SULT4A1: variants seen among roughly 807,000 people sequenced by gnomAD.
SULT4A1 encodes the protein sulfotransferase family 4A member 1.
SULT4A1 carries 11 observed loss-of-function variants against 35.2 expected under a neutral mutation model. The ratio of observed to expected loss-of-function variants is 0.31; its 90% CI spans 0.20 to 0.52. SULT4A1 has a LOEUF of 0.52. Among genes scored for constraint, SULT4A1 ranks in the 20% least tolerant of loss-of-function variants. The pLI is 0.97. For synonymous variants in SULT4A1, 152 were observed against 151.8 expected (o/e 1.00, Z -0.01); for missense variants, 271 against 383.7 (o/e 0.71, Z 2.45).
chr22:43,844,117 CCT>C (rs2063456218), intron 1 of SULT4A1, among the ~76,000 whole-genome samples: 1 of 152,214 alleles, frequency 6.6e-6, no homozygotes, highest in Admixed American at 6.5e-5. Context: ...CCACAGGAGG[CCT>C]CTGTGTTGAC....
At chr22:43,839,761 T>C (rs1291882940) in intron 3 of SULT4A1, among the ~76,000 whole-genome samples, 184 bp downstream of exon 3, 2 of 152,126 alleles carry the variant, frequency 1.3e-5, no homozygotes, top group Admixed American at 6.5e-5. Flanking sequence ...GTTAAAAACT[T>C]GGGTAAAATG....
intron 1 of SULT4A1, among the ~76,000 whole-genome samples, chr22:43,849,129 G>T (rs2013467): frequency 0.23 from 35,056 of 152,162 alleles, 4,703 homozygotes; most frequent in East Asian, 0.46. Flanking sequence ...GGCATGGCCT[G>T]TCTCAACACC....
At chr22:43,827,161 A>C in intron 6 of SULT4A1, 4 of 985,392 alleles carry the variant, frequency 4.1e-6, no homozygotes, top group Non-Finnish European at 4.8e-6. Flanking sequence ...CTTTTGAAGA[A>C]CTGCTCGTTT....
rs1397974614 is a variant in SULT4A1, at chr22:43,824,880, G to A, written c.*1121C>T. On this transcript the variant is annotated 3_prime_UTR_variant, in exon 7 of 7. Transcript: ENST00000330884. Reference sequence around the variant, plus strand: ...CGGGGTTGGCTGGCTACTGGCCCCCGACTCTCCATCGCTTCAGCGAATGTG... The same window carrying A: ...CGGGGTTGGCTGGCTACTGGCCCCCAACTCTCCATCGCTTCAGCGAATGTG... The A allele has an allele frequency of 3.3e-5, 5 of 152,108 alleles. No individual in the cohort carries two copies. The highest frequency in any genetic ancestry group is 4.1e-4 in the South Asian group (2 of 4,820). The allele number at this position is 152,108 out of a possible 1,614,324, so 9.4% of individuals were successfully genotyped here. A position where few individuals can be genotyped will look rare whatever the true frequency, so the allele number is the denominator to read the frequency against.
At chr22:43,846,577 AG>A (rs1244376741) in intron 1 of SULT4A1, among the ~76,000 whole-genome samples, 2 of 152,242 alleles carry the variant, frequency 1.3e-5, no homozygotes, top group Non-Finnish European at 2.9e-5. Context: ...CACTGAAGGA[AG>A]GAAGTGGTCT....
chr22:43,827,782 C>CAT (rs57934792), intron 6 of SULT4A1: 12 of 436,932 alleles, frequency 2.7e-5, no homozygotes, highest in African/African-American at 2.1e-4. Context: ...CACACACACA[C>CAT]GTGAACCAAA....
At chr22:43,841,196 A>G (rs1049305048) in intron 2 of SULT4A1, among the ~76,000 whole-genome samples, 2 of 152,172 alleles carry the variant, frequency 1.3e-5, no homozygotes, top group African/African-American at 4.8e-5. Flanking sequence ...CTGGAGGGCC[A>G]CAGGGGTCTT....
intron 1 of SULT4A1, among the ~76,000 whole-genome samples, chr22:43,845,000 G>A (rs574780233): frequency 2.6e-5 from 4 of 152,200 alleles, no homozygotes; most frequent in East Asian, 3.9e-4. Context: ...GAAGTGTGCC[G>A]GGACCAAAGG....
intron 6 of SULT4A1, among the ~76,000 whole-genome samples, chr22:43,827,853 A>AAT (rs1007763613): frequency 6.6e-6 from 1 of 152,168 alleles, no homozygotes; most frequent in Non-Finnish European, 1.5e-5. Flanking sequence ...GCAAAACTAA[A>AAT]AAAGAGCAAA....
At chr22:43,862,144 C>A in intron 1 of SULT4A1, 70 bp downstream of exon 1, 1 of 1,197,574 alleles carries the variant, frequency 8.4e-7, no homozygotes, top group South Asian at 2.6e-5. Flanking sequence ...CGGGCGCGGG[C>A]GCGGCGTCTA....
chr22:43,844,801 T>G (rs1259327368), intron 1 of SULT4A1, among the ~76,000 whole-genome samples: 1 of 152,162 alleles, frequency 6.6e-6, no homozygotes, highest in Non-Finnish European at 1.5e-5. Context: ...CACCCTGGGA[T>G]GCACGGGACA....
intron 1 of SULT4A1, among the ~76,000 whole-genome samples, chr22:43,859,719 C>T (rs537358055): frequency 2.6e-5 from 4 of 152,368 alleles, no homozygotes; most frequent in African/African-American, 4.8e-5. Context: ...TTTTACCTGG[C>T]GCTGTGCAGC....
chr22:43,829,416 C>G (rs1214620492), intron 5 of SULT4A1, among the ~76,000 whole-genome samples: 1 of 152,150 alleles, frequency 6.6e-6, no homozygotes, highest in Non-Finnish European at 1.5e-5. Context: ...AATTCAAACC[C>G]TGGTCCTCCA....
intron 1 of SULT4A1, among the ~76,000 whole-genome samples, chr22:43,848,501 CTCCACTAGCCTCGAGCAGGAGGG>C (rs1421591798): frequency 6.6e-6 from 1 of 152,222 alleles, no homozygotes; most frequent in African/African-American, 2.4e-5. Context: ...CTGTGGTTCC[CTCCACTAGCCTCGAGCAGGAGGG>C]TCCACAAGCA....
rs139024087 is a variant in SULT4A1, at chr22:43,840,382, G to A, written c.301-357C>T. On this transcript the variant is annotated intron_variant, in intron 2 of 6. Coordinates refer to ENST00000330884, the MANE Select transcript of SULT4A1 (RefSeq NM_014351.4). ...ATGCCCTGGTCTCCTGTCCTGGAGA[G>A]AGTCTCGGACCCAGCCAGGACAGCC... Among the ~76,000 whole-genome samples, 579 of 152,206 alleles carry A rather than the reference G, an allele frequency of 3.8e-3. 9 individuals are homozygous for A. The highest frequency in any genetic ancestry group is 0.013 in the African/African-American group (539 of 41,536).
intron 1 of SULT4A1, among the ~76,000 whole-genome samples, chr22:43,859,497 C>G (rs1216075825): frequency 6.6e-6 from 1 of 152,242 alleles, no homozygotes; most frequent in African/African-American, 2.4e-5. Context: ...GGGACGAGCA[C>G]CCAATTCAAA....
intron 1 of SULT4A1, among the ~76,000 whole-genome samples, chr22:43,858,420 C>T (rs952512269): frequency 6.6e-6 from 1 of 152,100 alleles, no homozygotes; most frequent in African/African-American, 2.4e-5. Context: ...GCTTTGGCAG[C>T]CCCTTCCCCA....
chr22:43,835,537 G>C (rs1273782840), intron 4 of SULT4A1, among the ~76,000 whole-genome samples: 1 of 152,172 alleles, frequency 6.6e-6, no homozygotes, highest in Non-Finnish European at 1.5e-5. Flanking sequence ...GCAGAATAAA[G>C]CTGAGTCCCA....
chr22:43,862,194 G>T lies in SULT4A1; in HGVS notation c.169+20C>A. 6.7e-7 allele frequency: 1 copy of T among 1,493,410 alleles called. No homozygotes were observed. 92.5% of individuals were successfully genotyped at this position (1,493,410 alleles called of 1,614,324 possible). ...AGGGCTGGGGCATGGCGTGGCGGGCGCGGTCGGCGCGGGGCTCACCGGACT... is the reference window on the plus strand; with the variant it reads ...AGGGCTGGGGCATGGCGTGGCGGGCTCGGTCGGCGCGGGGCTCACCGGACT... On this transcript the variant is annotated intron_variant, in intron 1 of 6. Transcript: ENST00000330884.
Sources: allele counts gnomAD v4.1 joint callset (sites outside exome capture counted in the v4.1 genomes callset), GRCh38; gene constraint gnomAD v4.1.1; transcripts MANE v1.5; gene names NCBI Gene and HGNC (gene_info 2026-07-23, HGNC 2026-07-21).